Variants in GTF2H3 observed in about 807,000 individuals in gnomAD.
The protein encoded by GTF2H3 is TFIIH basal transcription factor complex p34 subunit.
Under a neutral mutation model 51.1 loss-of-function variants are expected in GTF2H3, and 42 were observed. The observed-to-expected ratio is 0.82, with a 90% CI of 0.64 to 1.06. GTF2H3 has a LOEUF of 1.06. GTF2H3 is among the 50% of genes least tolerant of loss of function. The probability of loss-of-function intolerance (pLI) is 0.00; values close to 1 mark genes in which losing one functional copy is unlikely to be tolerated. For missense variants in GTF2H3, 326 were observed against 366.1 expected (o/e 0.89, Z 0.89); for synonymous variants, 123 against 123.8 (o/e 0.99, Z 0.04).
In GTF2H3 at chr12:123,651,277, C is replaced by T. The variant is rs751137438; in HGVS notation, c.427+221C>T. ...CCAAGTTGGAGTGCAGTGGCACAAT[C>T]TCGGCTCACTGCAACCTTCGCCTCC... On this transcript the variant is annotated intron_variant, in intron 5 of 12. Coordinates refer to ENST00000543341, the MANE Select transcript of GTF2H3 (RefSeq NM_001516.5). 4.6e-5 allele frequency: 17 copies of T among 366,154 alleles called. No individual in the cohort carries two copies. In the Middle Eastern group the frequency reaches 3.9e-3, roughly 84 times the overall value. 22.7% of individuals were successfully genotyped at this position (366,154 alleles called of 1,614,324 possible).
chr12:123,659,439 A>G, intron 9 of GTF2H3, 77 bp from the exon 10 acceptor site: 1 of 1,056,486 alleles, frequency 9.5e-7, no homozygotes, highest in Non-Finnish European at 1.5e-6. Context: ...GGCCCAAGGC[A>G]TTGCTCATGA....
chr12:123,638,969 G>T (rs1955328876), intron 1 of GTF2H3, among the ~76,000 whole-genome samples: 1 of 151,676 alleles, frequency 6.6e-6, no homozygotes, highest in South Asian at 2.1e-4. Flanking sequence ...CTAATTTTTT[G>T]TATTTTTAGT....
At chr12:123,644,573 G>A (rs1205747527) in intron 2 of GTF2H3, among the ~76,000 whole-genome samples, 1 of 152,138 alleles carries the variant, frequency 6.6e-6, no homozygotes, top group East Asian at 1.9e-4. Context: ...GGCTGAGGCA[G>A]GAGAATTGCT....
intron 1 of GTF2H3, among the ~76,000 whole-genome samples, chr12:123,636,601 C>G (rs895323939): frequency 6.6e-6 from 1 of 151,938 alleles, no homozygotes. Flanking sequence ...CAAAGTGAGA[C>G]CCTGTCTCTA....
At chr12:123,648,266 G>T in intron 4 of GTF2H3, 140 bp downstream of exon 4, 1 of 593,228 alleles carries the variant, frequency 1.7e-6, no homozygotes, top group Non-Finnish European at 2.9e-6. Context: ...CGTCAAAGTT[G>T]GTTCATTATT....
intron 3 of GTF2H3, 111 bp from the exon 4 acceptor site, chr12:123,647,852 T>A: frequency 3.3e-6 from 2 of 601,032 alleles, no homozygotes; most frequent in Non-Finnish European, 5.6e-6. Flanking sequence ...ATCTTGTGAG[T>A]CCCACATTGT....
chr12:123,646,880 G>A (rs1007215906), intron 3 of GTF2H3, among the ~76,000 whole-genome samples: 3 of 150,972 alleles, frequency 2.0e-5, no homozygotes, highest in Non-Finnish European at 4.4e-5. Flanking sequence ...GGCTGGGTGC[G>A]GTGGCTCATG....
chr12:123,634,425 G>C (rs1271458144), intron 1 of GTF2H3, among the ~76,000 whole-genome samples: 1 of 152,090 alleles, frequency 6.6e-6, no homozygotes, highest in Non-Finnish European at 1.5e-5. Context: ...TGGCCGACAG[G>C]GCATGACCTC....
At position 123,647,953 on chromosome 12, in the gene GTF2H3, G is replaced by C. The variant is rs1259270498; in HGVS notation, c.201-10G>C. 1 of 1,607,390 alleles carries C rather than the reference G, an allele frequency of 6.2e-7. No individual in the cohort carries two copies. Among genetic ancestry groups the C allele is most frequent in the Non-Finnish European group, 8.5e-7 (1 of 1,177,784 alleles). On this transcript the variant is annotated splice_polypyrimidine_tract_variant and intron_variant, in intron 3 of 12. Transcript: ENST00000543341. Reference sequence around the variant, plus strand: ...CTGGTGTAACCAGGTTTTTTCCCCTGCTGTTTCAGCCGATTCTTATATCCT... The same window carrying C: ...CTGGTGTAACCAGGTTTTTTCCCCTCCTGTTTCAGCCGATTCTTATATCCT...
At chr12:123,639,540 A>T (rs769319933) in intron 2 of GTF2H3, among the ~76,000 whole-genome samples, 197 bp downstream of exon 2, 2 of 152,024 alleles carry the variant, frequency 1.3e-5, no homozygotes, top group Non-Finnish European at 2.9e-5. Flanking sequence ...TATTTCTTTG[A>T]CTGCGTAGCG....
At chr12:123,648,845 G>A (rs1955484913) in intron 4 of GTF2H3, among the ~76,000 whole-genome samples, 1 of 152,092 alleles carries the variant, frequency 6.6e-6, no homozygotes, top group Non-Finnish European at 1.5e-5. Flanking sequence ...ATAGGGACGG[G>A]GTCTCACTAT....
intron 1 of GTF2H3, among the ~76,000 whole-genome samples, chr12:123,637,229 A>G (rs540653219): frequency 6.6e-6 from 1 of 152,246 alleles, no homozygotes; most frequent in South Asian, 2.1e-4. Flanking sequence ...TAACACTGGT[A>G]GTGTGAAAGT....
At chr12:123,649,440 A>T (rs1222477529) in intron 4 of GTF2H3, 1 of 152,334 alleles carries the variant, frequency 6.6e-6, no homozygotes, top group Non-Finnish European at 1.5e-5. Flanking sequence ...ATGTCTGTAG[A>T]CATAGCCAGA....
intron 9 of GTF2H3, among the ~76,000 whole-genome samples, chr12:123,658,461 C>T (rs529772760): frequency 9.9e-5 from 15 of 152,160 alleles, no homozygotes; most frequent in Middle Eastern, 3.4e-3. Flanking sequence ...CTCAAGTGAT[C>T]CGCGATTACA....
rs1264408207 is a variant in GTF2H3 at position 123,661,357 on chromosome 12, AC to A, written c.*1123del. ...GTTTGTTTTTTAAAAATGTTTACTG[AC>A]GAGGCCGGGCGTGGTGGCTCACCCC... On this transcript the variant is annotated 3_prime_UTR_variant, in exon 13 of 13. Transcript: ENST00000543341. 1.3e-5 allele frequency: 2 copies of A among 151,978 alleles called. No homozygotes were observed. Among genetic ancestry groups the A allele is most frequent in the East Asian group, 1.9e-4 (1 of 5,186 alleles). 9.4% of individuals were successfully genotyped at this position (151,978 alleles called of 1,614,324 possible). A position where few individuals can be genotyped will look rare whatever the true frequency, so the allele number is the denominator to read the frequency against.
chr12:123,639,541 C>T (rs1955337976), intron 2 of GTF2H3, among the ~76,000 whole-genome samples, 198 bp downstream of exon 2: 1 of 152,138 alleles, frequency 6.6e-6, no homozygotes, highest in Non-Finnish European at 1.5e-5. Flanking sequence ...ATTTCTTTGA[C>T]TGCGTAGCGT....
At chr12:123,639,894 C>CGTGTGT (rs567624663) in intron 2 of GTF2H3, 10 of 419,282 alleles carry the variant, frequency 2.4e-5, no homozygotes, top group South Asian at 1.6e-4. Context: ...TGTATGCGTG[C>CGTGTGT]GTGCGTGTAT....
intron 3 of GTF2H3, among the ~76,000 whole-genome samples, chr12:123,645,998 C>A (rs1022695768): frequency 1.3e-5 from 2 of 152,092 alleles, no homozygotes; most frequent in Non-Finnish European, 2.9e-5. Context: ...AAGGATTTTT[C>A]TTATAACGTT....
chr12:123,640,405 C>T (rs1293102488), intron 2 of GTF2H3, among the ~76,000 whole-genome samples: 4 of 146,416 alleles, frequency 2.7e-5, no homozygotes, highest in African/African-American at 1.0e-4. Context: ...GGCGCGATCT[C>T]GGCTCACTGC....
Sources: gnomAD v4.1 joint callset for allele counts (sites outside exome capture counted in the v4.1 genomes callset) on GRCh38, gnomAD v4.1.1 for gene constraint, MANE v1.5 for transcripts, NCBI Gene and HGNC (gene_info 2026-07-23, HGNC 2026-07-21) for gene names.